The following EPDR1 variants were observed in gnomAD, a reference collection of about 807,000 sequenced individuals.
EPDR1 encodes the protein mammalian ependymin-related protein 1.
EPDR1 carries 27 observed loss-of-function variants against 23.7 expected under a neutral mutation model. That is an observed-to-expected ratio of 1.14 (90% CI 0.84 to 1.57). The LOEUF is 1.57. Ranked by LOEUF, EPDR1 falls within the 40% of genes most tolerant of loss-of-function variation. The probability of loss-of-function intolerance (pLI) is 0.00; values close to 1 mark genes in which losing one functional copy is unlikely to be tolerated. For synonymous variants in EPDR1, 137 were observed against 118.2 expected (o/e 1.16, Z -1.03); for missense variants, 349 against 290.4 (o/e 1.20, Z -1.47).
intron 1 of EPDR1, among the ~76,000 whole-genome samples, chr7:37,930,870 A>G (rs1785922966): frequency 6.6e-6 from 1 of 152,244 alleles, no homozygotes; most frequent in African/African-American, 2.4e-5. Flanking sequence ...AGTTGTTAAA[A>G]CACAGAGGAA....
At chr7:37,950,065 G>A (rs1205843915) in intron 2 of EPDR1, 135 bp from the exon 3 acceptor site, 3 of 601,740 alleles carry the variant, frequency 5.0e-6, no homozygotes, top group Admixed American at 6.2e-5. Flanking sequence ...AAATGTGAAT[G>A]TACTCAAGGC....
intron 1 of EPDR1, among the ~76,000 whole-genome samples, chr7:37,933,499 C>A (rs1034459110): frequency 4.6e-5 from 7 of 152,204 alleles, no homozygotes; most frequent in African/African-American, 1.7e-4. Context: ...CTCATATTTT[C>A]TCATCTGTTA....
chr7:37,948,690 G>A (rs1786332592), intron 1 of EPDR1, 150 bp from the exon 2 acceptor site: 2 of 624,922 alleles, frequency 3.2e-6, no homozygotes, highest in African/African-American at 1.8e-5. Flanking sequence ...GTTGTTTCAT[G>A]TGCCTAGTGT....
chr7:37,931,088 T>C (rs1240759530), intron 1 of EPDR1, among the ~76,000 whole-genome samples: 2 of 152,098 alleles, frequency 1.3e-5, no homozygotes, highest in Non-Finnish European at 2.9e-5. Flanking sequence ...TAAGGTTGCA[T>C]ACTTTCAGAG....
chr7:37,948,967 T>G lies in EPDR1; in HGVS notation c.397T>G (p.Phe133Val). 1 of 1,614,136 alleles carries G rather than the reference T, an allele frequency of 6.2e-7. No homozygotes were observed. Among genetic ancestry groups the G allele is most frequent in the Non-Finnish European group, 8.5e-7 (1 of 1,180,006 alleles). The change falls in exon 2 of 3, where the codon TTT (phenylalanine) becomes GTT (valine). Residue 133 changes from phenylalanine (F) to valine (V), a missense_variant. Transcript: ENST00000199448. The stretch of plus-strand genomic sequence containing the variant: ...TCTTGACATTCCTCAAAACTCCACC[T>G]TTGAAGACCAGTACTCCATCGGGGG... ...DPLDIPQNST[F>V]EDQYSIGGPQ...
intron 1 of EPDR1, among the ~76,000 whole-genome samples, chr7:37,936,473 T>C (rs1318106850): frequency 6.6e-6 from 1 of 152,068 alleles, no homozygotes; most frequent in Non-Finnish European, 1.5e-5. Context: ...CTGACCAGTA[T>C]AGACAGAGAA....
chr7:37,938,566 C>G (rs1734802613), intron 1 of EPDR1, among the ~76,000 whole-genome samples: 1 of 152,182 alleles, frequency 6.6e-6, no homozygotes, highest in African/African-American at 2.4e-5. Context: ...ATGCAAAATG[C>G]CTTGAGCATC....
In EPDR1 at chr7:37,950,749, A is replaced by T. The variant is rs1373341137; in HGVS notation, c.*353A>T. 4 of 192,716 alleles carry T rather than the reference A, an allele frequency of 2.1e-5. No homozygotes were observed. Among genetic ancestry groups the T allele is most frequent in the Admixed American group, 5.9e-5 (1 of 16,906 alleles). 11.9% of individuals were successfully genotyped at this position (192,716 alleles called of 1,614,324 possible). On this transcript the variant is annotated 3_prime_UTR_variant, in exon 3 of 3. Transcript: ENST00000199448. ...GTAAGAGAAGTTTGCCTTGGCAGCA[A>T]GTATTTATTGTTGACATTATTCAGA...
intron 1 of EPDR1, among the ~76,000 whole-genome samples, chr7:37,921,816 A>G (rs1259253218): frequency 1.3e-5 from 2 of 152,204 alleles, no homozygotes; most frequent in African/African-American, 4.8e-5. Flanking sequence ...ACTATGATCA[A>G]AAGCCATACG....
chr7:37,925,664 C>A (rs1221332514), intron 1 of EPDR1, among the ~76,000 whole-genome samples: 1 of 152,102 alleles, frequency 6.6e-6, no homozygotes, highest in Middle Eastern at 3.2e-3. Context: ...CTGCCTTCAC[C>A]CCAATAAGGT....
chr7:37,930,163 T>C (rs1272318546), intron 1 of EPDR1, among the ~76,000 whole-genome samples: 3 of 152,212 alleles, frequency 2.0e-5, no homozygotes, highest in African/African-American at 7.2e-5. Flanking sequence ...TTAGATCTTC[T>C]GGTAGAGTTC....
chr7:37,921,556 C>A lies in EPDR1; in HGVS notation c.269+348C>A, dbSNP rs568192520. ...GAGTCAGGCTCTGGGCTCATGGAGCCCCCTGCAGTCTAGGGCGTGTCTTCT... is the reference window on the plus strand; with the variant it reads ...GAGTCAGGCTCTGGGCTCATGGAGCACCCTGCAGTCTAGGGCGTGTCTTCT... On this transcript the variant is annotated intron_variant, in intron 1 of 2. Coordinates refer to ENST00000199448, the MANE Select transcript of EPDR1 (RefSeq NM_017549.5). 7.4e-6 allele frequency: 9 copies of A among 1,211,278 alleles called. No individual in the cohort carries two copies. The South Asian group carries it at 1.0e-4, about 13-fold the overall frequency. The allele number at this position is 1,211,278 out of a possible 1,614,324, so 75.0% of individuals were successfully genotyped here.
chr7:37,930,272 G>A (rs1179834199), intron 1 of EPDR1, among the ~76,000 whole-genome samples: 1 of 152,218 alleles, frequency 6.6e-6, no homozygotes, highest in East Asian at 1.9e-4. Context: ...CGCTGCTCCA[G>A]AGCATCTCAG....
rs1233512979 is a variant in EPDR1, at chr7:37,948,985, A to AT, written c.416dup (p.Gly140ArgfsTer19). On this transcript the variant is annotated frameshift_variant, in exon 2 of 3. Transcript: ENST00000199448. LOFTEE classifies it high-confidence loss of function. The stretch of plus-strand genomic sequence containing the variant: ...CTCCACCTTTGAAGACCAGTACTCC[A>AT]TCGGGGGGCCTCAGGAGCAGATCAC... 1.9e-6 allele frequency: 3 copies of AT among 1,614,098 alleles called. No homozygotes were observed. In the East Asian group the frequency reaches 6.7e-5, roughly 36 times the overall value.
chr7:37,928,101 C>T (rs1429886299), intron 1 of EPDR1, among the ~76,000 whole-genome samples: 1 of 152,106 alleles, frequency 6.6e-6, no homozygotes, highest in African/African-American at 2.4e-5. Context: ...AGAAGATAAG[C>T]CCAGGAGAGT....
At chr7:37,948,802 A>G (rs761511279) in intron 1 of EPDR1, 38 bp from the exon 2 acceptor site, 2 of 1,563,262 alleles carry the variant, frequency 1.3e-6, no homozygotes, top group Non-Finnish European at 1.8e-6. Context: ...GGATGGTAAC[A>G]TGAAGTCCCA....
At chr7:37,924,702 T>C (rs1267930581) in intron 1 of EPDR1, among the ~76,000 whole-genome samples, 1 of 152,254 alleles carries the variant, frequency 6.6e-6, no homozygotes, top group Non-Finnish European at 1.5e-5. Context: ...TTTCTGACAG[T>C]CACATCGCTG....
intron 1 of EPDR1, among the ~76,000 whole-genome samples, chr7:37,944,032 G>C (rs941736536): frequency 6.6e-6 from 1 of 152,178 alleles, no homozygotes; most frequent in Non-Finnish European, 1.5e-5. Context: ...TCTCCATGGA[G>C]CACTGGAGTC....
At chr7:37,942,133 A>G (rs1786181688) in intron 1 of EPDR1, among the ~76,000 whole-genome samples, 1 of 152,204 alleles carries the variant, frequency 6.6e-6, no homozygotes, top group South Asian at 2.1e-4. Flanking sequence ...TGAGTATAGT[A>G]CATATTGAAA....
Sources: allele counts gnomAD v4.1 joint callset (sites outside exome capture counted in the v4.1 genomes callset), GRCh38; gene constraint gnomAD v4.1.1; transcripts MANE v1.5; gene names NCBI Gene and HGNC (gene_info 2026-07-23, HGNC 2026-07-21).